The following EIF4G3 variants were observed in gnomAD, a reference collection of about 807,000 sequenced individuals.
The protein encoded by EIF4G3 is eIF-4-gamma 3.
A neutral mutation model predicts 186.4 loss-of-function variants in EIF4G3; 34 were observed. That is an observed-to-expected ratio of 0.18 (90% CI 0.14 to 0.24). The LOEUF is 0.24. Ranked by LOEUF, EIF4G3 falls within the 10% of genes least tolerant of loss-of-function variation. EIF4G3 has a pLI of 1.00. For missense variants in EIF4G3, 1,536 were observed against 1,948.5 expected, an observed-to-expected ratio of 0.79 and a Z score of 3.99; for synonymous variants, 673 against 679.5, an observed-to-expected ratio of 0.99 and a Z score of 0.15.
At chr1:20,854,793 C>G (rs1331557566) in intron 26 of EIF4G3, among the ~76,000 whole-genome samples, 185 bp downstream of exon 26, 1 of 151,950 alleles carries the variant, frequency 6.6e-6, no homozygotes, top group African/African-American at 2.4e-5. Flanking sequence ...TAAAAAAATA[C>G]TTAAAATTAT....
chr1:20,981,312 T>TA (rs2154566584), intron 8 of EIF4G3, 85 bp from the exon 9 acceptor site: 3 of 894,488 alleles, frequency 3.4e-6, no homozygotes. Context: ...TCTTCACTAA[T>TA]AAAAATCTGG....
chr1:20,930,612 C>A (rs1464038248), intron 14 of EIF4G3, among the ~76,000 whole-genome samples: 5 of 152,134 alleles, frequency 3.3e-5, no homozygotes, highest in African/African-American at 9.7e-5. Context: ...GTTGCCCAGG[C>A]TAGTCTCAAG....
intron 20 of EIF4G3, among the ~76,000 whole-genome samples, chr1:20,878,831 G>T (rs1386335451): frequency 6.6e-6 from 1 of 152,204 alleles, no homozygotes; most frequent in Non-Finnish European, 1.5e-5. Context: ...AATGGCTTCA[G>T]ATAATGTAAA....
chr1:20,883,273 T>C (rs72652951), intron 19 of EIF4G3, among the ~76,000 whole-genome samples: 9 of 151,938 alleles, frequency 5.9e-5, no homozygotes, highest in Non-Finnish European at 1.0e-4. Context: ...GAAAGGGGAA[T>C]AGTTTAGGTA....
intron 33 of EIF4G3, among the ~76,000 whole-genome samples, chr1:20,820,642 C>T (rs1019567575): frequency 6.6e-6 from 1 of 152,136 alleles, no homozygotes; most frequent in African/African-American, 2.4e-5. Flanking sequence ...ACCATGGCTG[C>T]CTATGGACCA....
chr1:21,166,372 G>A (rs1388718195), intron 2 of EIF4G3, among the ~76,000 whole-genome samples: 2 of 152,044 alleles, frequency 1.3e-5, no homozygotes. Context: ...CAAGGCTACT[G>A]TGAGCCATAA....
At chr1:20,912,955 T>C (rs1214663945) in intron 14 of EIF4G3, among the ~76,000 whole-genome samples, 1 of 152,152 alleles carries the variant, frequency 6.6e-6, no homozygotes, top group Non-Finnish European at 1.5e-5. Flanking sequence ...GGTGAGAGGA[T>C]AAATTTTACA....
At chr1:20,994,128 T>C (rs900505640) in intron 7 of EIF4G3, among the ~76,000 whole-genome samples, 1 of 152,202 alleles carries the variant, frequency 6.6e-6, no homozygotes, top group Non-Finnish European at 1.5e-5. Flanking sequence ...CTACTGGCAT[T>C]TAAAGCCCAA....
At chr1:20,931,511 T>C (rs192351426) in intron 14 of EIF4G3, among the ~76,000 whole-genome samples, 82 of 152,296 alleles carry the variant, frequency 5.4e-4, no homozygotes, top group Admixed American at 1.8e-3. Flanking sequence ...ACTTTCCATA[T>C]GGTAAATGAG....
Position 21,023,568 on chromosome 1 carries a change from T to C in EIF4G3, c.-66-20760A>G, listed in dbSNP as rs1038774390. Among the ~76,000 whole-genome samples, 3 of 152,122 alleles carry C rather than the reference T, an allele frequency of 2.0e-5. No homozygotes were observed. The East Asian group carries it at 5.8e-4, about 30-fold the overall frequency. ...GTCTTGTTCACTCAGTGCTCAATGG[T>C]GCCCAGGCTGGAGTGCAGTGGCGTG... is the stretch of plus-strand genomic sequence containing the variant. On this transcript the variant is annotated intron_variant, in intron 4 of 36. Transcript: ENST00000602326.
chr1:20,932,639 G>A (rs1163048517), intron 14 of EIF4G3, among the ~76,000 whole-genome samples: 1 of 152,136 alleles, frequency 6.6e-6, no homozygotes, highest in African/African-American at 2.4e-5. Flanking sequence ...AGAGATGGAA[G>A]AACTGCCGGT....
intron 6 of EIF4G3, among the ~76,000 whole-genome samples, chr1:21,000,812 G>A (rs2083350721): frequency 6.6e-6 from 1 of 151,856 alleles, no homozygotes; most frequent in African/African-American, 2.4e-5. Flanking sequence ...TATCTGAAGA[G>A]TTTATGACCA....
chr1:20,870,616 T>A (rs1203371092), intron 20 of EIF4G3, among the ~76,000 whole-genome samples: 1 of 152,206 alleles, frequency 6.6e-6, no homozygotes, highest in East Asian at 1.9e-4. Flanking sequence ...TCATTTCAAT[T>A]ATAATTAAGA....
chr1:20,941,658 C>T lies in EIF4G3; in HGVS notation c.1496G>A (p.Ser499Asn). Residue 499 changes from serine to asparagine, a missense_variant, in exon 14 of 37, where the codon AGT (serine) becomes AAT (asparagine). Physicochemically the swap from Ser to Asn is conservative, Grantham distance 46. Coordinates refer to ENST00000602326, the MANE Select transcript of EIF4G3 (RefSeq NM_001391906.1). ...PAAATTVSSP[S>N]AAITVQRVLE... ...GACTCTCTGGACTGTGATGGCAGCACTCGGAGAACTAACAGTAGTGGCAGC... is the reference window on the plus strand; with the variant it reads ...GACTCTCTGGACTGTGATGGCAGCATTCGGAGAACTAACAGTAGTGGCAGC... The T allele has an allele frequency of 6.2e-7, 1 of 1,613,944 alleles. No homozygotes were observed.
At chr1:21,013,354 T>G (rs144965381) in intron 4 of EIF4G3, among the ~76,000 whole-genome samples, 4 of 152,328 alleles carry the variant, frequency 2.6e-5, no homozygotes, top group African/African-American at 9.6e-5. Context: ...ATTTTTTTAA[T>G]GTATATATGT....
chr1:21,118,820 G>A (rs1348633799), intron 2 of EIF4G3, among the ~76,000 whole-genome samples: 4 of 148,576 alleles, frequency 2.7e-5, no homozygotes, highest in Non-Finnish European at 4.5e-5. Context: ...AATGCTGAGA[G>A]CTGGGCACAG....
intron 4 of EIF4G3, among the ~76,000 whole-genome samples, chr1:21,014,295 C>T (rs1310649144): frequency 6.6e-6 from 1 of 152,162 alleles, no homozygotes; most frequent in African/African-American, 2.4e-5. Flanking sequence ...AAGACAAGTT[C>T]CTGGGGTATT....
intron 2 of EIF4G3, among the ~76,000 whole-genome samples, chr1:21,159,211 T>A (rs184650689): frequency 6.6e-6 from 1 of 151,722 alleles, no homozygotes; most frequent in East Asian, 1.9e-4. Context: ...GGCAGGAGGA[T>A]TGCTTAAGCC....
At chr1:21,153,997 CTTAG>C (rs1172866668) in intron 2 of EIF4G3, among the ~76,000 whole-genome samples, 1 of 152,178 alleles carries the variant, frequency 6.6e-6, no homozygotes, top group Non-Finnish European at 1.5e-5. Flanking sequence ...CCTCATTTTT[CTTAG>C]TTAAAGGTTA....
Sources: allele counts gnomAD v4.1 joint callset (sites outside exome capture counted in the v4.1 genomes callset), GRCh38; gene constraint gnomAD v4.1.1; transcripts MANE v1.5; gene names NCBI Gene and HGNC (gene_info 2026-07-23, HGNC 2026-07-21).